The following ADGRD2 variants were observed in gnomAD, a reference collection of about 807,000 sequenced individuals.
ADGRD2 encodes the protein G protein-coupled receptor PGR24.
Under a neutral mutation model 44.4 loss-of-function variants are expected in ADGRD2, and 71 were observed. That is an observed-to-expected ratio of 1.60 (90% CI 1.32 to 1.95). The LOEUF (loss-of-function observed/expected upper bound fraction) is 1.95. ADGRD2 is among the 30% of genes most tolerant of loss of function. ADGRD2 has a pLI of 0.00. For synonymous variants in ADGRD2, 481 were observed against 224.8 expected (o/e 2.14, Z -10.19); for missense variants, 1,039 against 512.4 (o/e 2.03, Z -9.92).
At chr9:124,450,969 GTGACCCCA>G (rs1831455093), upstream of ADGRD2, among the ~76,000 whole-genome samples, 2 of 152,186 alleles carry the variant, frequency 1.3e-5, no homozygotes, top group Non-Finnish European at 2.9e-5. Context: ...GTTGACGGGA[GTGACCCCA>G]GATCACCCAG....
chr9:124,452,017 CAGAGT>C, upstream of ADGRD2: 5 of 563,664 alleles, frequency 8.9e-6, no homozygotes, highest in South Asian at 3.4e-5. Context: ...CACCCACCCC[CAGAGT>C]AGGCATTCAA....
exon 8 of ADGRD2, chr9:124,457,547 C>T (rs1292281557): frequency 5.8e-6 from 4 of 686,396 alleles, no homozygotes; most frequent in Non-Finnish European, 8.0e-6. Flanking sequence ...GGTGGGCGTC[C>T]AGAGGGGCCC....
chr9:124,468,897 A>G (rs1031857722), intron 14 of ADGRD2, among the ~76,000 whole-genome samples: 17 of 152,020 alleles, frequency 1.1e-4, no homozygotes, highest in African/African-American at 3.6e-4. Context: ...CCCATTCCTC[A>G]TAATCCTTCT....
chr9:124,470,118 T>C (rs1254467936), intron 16 of ADGRD2, among the ~76,000 whole-genome samples: 1 of 152,030 alleles, frequency 6.6e-6, no homozygotes, highest in Non-Finnish European at 1.5e-5. Context: ...AGGGGGTCCC[T>C]GAAAAGCCAG....
At chr9:124,464,136 T>C (rs1222678379) in intron 10 of ADGRD2, among the ~76,000 whole-genome samples, 1 of 152,028 alleles carries the variant, frequency 6.6e-6, no homozygotes. Context: ...TTTAATATTC[T>C]AAAGGATGAA....
At chr9:124,456,670 C>A (rs781563536) in exon 7 of ADGRD2, 3 of 717,092 alleles carry the variant, frequency 4.2e-6, no homozygotes, top group South Asian at 1.5e-5. Context: ...GCGCCTGGCA[C>A]CCCTGCTGAG....
intron 8 of ADGRD2, 131 bp from the exon 12 acceptor site, chr9:124,457,982 G>A (rs1261866717): frequency 3.1e-6 from 2 of 636,964 alleles, no homozygotes; most frequent in South Asian, 1.8e-5. Context: ...TGTGATCTTA[G>A]GGAAGTCAGT....
chr9:124,466,433 G>C lies in ADGRD2; in HGVS notation c.2026+20G>C, dbSNP rs1468707131. 3 of 666,954 alleles carry C rather than the reference G, an allele frequency of 4.5e-6. No homozygotes were observed. The highest frequency in any genetic ancestry group is 3.6e-5 in the African/African-American group (2 of 55,724). The allele number at this position is 666,954 out of a possible 1,614,324, so 41.3% of individuals were successfully genotyped here. A position where few individuals can be genotyped will look rare whatever the true frequency, so the allele number is the denominator to read the frequency against. On this transcript the variant is annotated intron_variant, in intron 11 of 21. Transcript: ENST00000334810. ...GTACAGGTGAGTGCACGGTGGGAGGGGGGTGTCAGGAGGGGGCTTCTTAGC... is the reference window on the plus strand; with the variant it reads ...GTACAGGTGAGTGCACGGTGGGAGGCGGGTGTCAGGAGGGGGCTTCTTAGC...
chr9:124,451,252 A>C (rs1242046207), upstream of ADGRD2: 2 of 469,906 alleles, frequency 4.3e-6, no homozygotes, highest in Non-Finnish European at 8.8e-6. Flanking sequence ...TTGGCGGAGA[A>C]CCTCAAGGAA....
intron 16 of ADGRD2, 82 bp downstream of exon 19, chr9:124,469,629 A>G (rs1340732641): frequency 1.4e-6 from 1 of 692,788 alleles, no homozygotes; most frequent in Non-Finnish European, 2.7e-6. Context: ...ACTGGGCGAG[A>G]GCACGTGCGA....
exon 11 of ADGRD2, chr9:124,466,284 A>G: frequency 1.4e-6 from 1 of 704,788 alleles, no homozygotes; most frequent in Non-Finnish European, 2.7e-6. Flanking sequence ...CCCATCCCCC[A>G]AGCCCATATA....
intron 3 of ADGRD2, 60 bp from the exon 7 acceptor site, chr9:124,453,939 G>T (rs1015687314): frequency 3.7e-6 from 2 of 543,102 alleles, no homozygotes. Context: ...CCCCGGGGCC[G>T]TGCGTCCTGG....
intron 1 of ADGRD2, 47 bp from the exon 5 acceptor site, chr9:124,452,463 A>G (rs1831498851): frequency 2.8e-6 from 2 of 717,888 alleles, no homozygotes; most frequent in Non-Finnish European, 5.2e-6. Context: ...TGGAAGAGTC[A>G]GATGCCCACA....
intron 21 of ADGRD2, among the ~76,000 whole-genome samples, chr9:124,477,846 A>AAG (rs1303571786): frequency 6.9e-6 from 1 of 145,552 alleles, no homozygotes; most frequent in African/African-American, 2.6e-5. Context: ...CTGCAGGAAC[A>AAG]AGAGAGCGGC....
chr9:124,477,013 G>C, intron 21 of ADGRD2: 1 of 643,654 alleles, frequency 1.6e-6, no homozygotes, highest in Non-Finnish European at 3.0e-6. Context: ...GCGCTGCCAA[G>C]GAGCACAGCC....
exon 7 of ADGRD2, chr9:124,456,720 G>C (rs1386166178): frequency 1.4e-6 from 1 of 708,748 alleles, no homozygotes; most frequent in Non-Finnish European, 2.6e-6. Flanking sequence ...TGCGCATCCA[G>C]CACCGCCATG....
At chr9:124,455,294 A>G (rs183548414) in intron 6 of ADGRD2, among the ~76,000 whole-genome samples, 167 bp downstream of exon 9, 10 of 152,322 alleles carry the variant, frequency 6.6e-5, no homozygotes, top group African/African-American at 9.6e-5. Flanking sequence ...AACTTCCACA[A>G]ACAATTGCAC....
Position 124,452,849 on chromosome 9 carries a change from C to T in ADGRD2, c.281+127C>T, listed in dbSNP as rs895317267. 10 of 618,720 alleles carry T rather than the reference C, an allele frequency of 1.6e-5. No homozygotes were observed. The African/African-American group carries it at 1.6e-4, about 10-fold the overall frequency. The allele number at this position is 618,720 out of a possible 1,614,324, so 38.3% of individuals were successfully genotyped here. Reference sequence around the variant, plus strand: ...TAAGACCCCATTGCATCTCCAGGTTCCTTTGCCCTGGACTGGGCGTCGGGG... The same window carrying T: ...TAAGACCCCATTGCATCTCCAGGTTTCTTTGCCCTGGACTGGGCGTCGGGG... On this transcript the variant is annotated intron_variant, in intron 2 of 21. Transcript: ENST00000334810.
At chr9:124,459,525 G>A (rs1403588407) in intron 10 of ADGRD2, among the ~76,000 whole-genome samples, 2 of 151,896 alleles carry the variant, frequency 1.3e-5, no homozygotes, top group Non-Finnish European at 2.9e-5. Flanking sequence ...AGATATATAT[G>A]GTCAGCCCTC....
Sources: gnomAD v4.1 joint callset for allele counts (sites outside exome capture counted in the v4.1 genomes callset) on GRCh38, gnomAD v4.1.1 for gene constraint, MANE v1.5 for transcripts, NCBI Gene and HGNC (gene_info 2026-07-23, HGNC 2026-07-21) for gene names.